Variants in UBR3 observed in about 807,000 individuals in gnomAD.
The protein encoded by UBR3 is E3 ubiquitin-protein ligase UBR3.
UBR3 carries 85 observed loss-of-function variants against 243.2 expected under a neutral mutation model. The ratio of observed to expected loss-of-function variants is 0.35; its 90% CI spans 0.29 to 0.42. The LOEUF (loss-of-function observed/expected upper bound fraction) is 0.42. UBR3 is among the 10% of genes least tolerant of loss of function. UBR3 has a pLI of 1.00. For synonymous variants in UBR3, 748 were observed against 799.8 expected (o/e 0.94, Z 1.09); for missense variants, 1,686 against 2,300.8 (o/e 0.73, Z 5.47).
intron 36 of UBR3, among the ~76,000 whole-genome samples, chr2:170,075,740 G>A (rs1333690831): frequency 1.3e-5 from 2 of 152,032 alleles, no homozygotes; most frequent in African/African-American, 2.4e-5. Context: ...TCTGTATAGC[G>A]AGACTTAGCA....
intron 26 of UBR3, among the ~76,000 whole-genome samples, chr2:169,999,852 G>A (rs778113836): frequency 5.3e-5 from 8 of 152,130 alleles, no homozygotes; most frequent in Admixed American, 1.3e-4. Context: ...AGCCAGGCAC[G>A]GTGGCTCATG....
intron 9 of UBR3, among the ~76,000 whole-genome samples, chr2:169,905,627 A>G (rs1274787533): frequency 6.6e-6 from 1 of 152,194 alleles, no homozygotes; most frequent in Non-Finnish European, 1.5e-5. Flanking sequence ...CATTTGCTTC[A>G]GCCTCCCAAA....
At position 169,827,656 on chromosome 2, in the gene UBR3, A is replaced by G; in HGVS notation, c.149A>G (p.Glu50Gly). 1.6e-6 allele frequency: 2 copies of G among 1,242,192 alleles called. No homozygotes were observed. Among genetic ancestry groups the G allele is most frequent in the Non-Finnish European group, 2.0e-6 (2 of 994,964 alleles). The allele number at this position is 1,242,192 out of a possible 1,614,324, so 76.9% of individuals were successfully genotyped here. A position where few individuals can be genotyped will look rare whatever the true frequency, so the allele number is the denominator to read the frequency against. ...SRPDNRAGAEELQALLERVLS... is the reference protein window; with the variant it reads ...SRPDNRAGAEGLQALLERVLS... ...CCGGACAACCGCGCAGGTGCTGAGGAGCTGCAGGCGCTGCTGGAGCGGGTG... is the reference window on the plus strand; with the variant it reads ...CCGGACAACCGCGCAGGTGCTGAGGGGCTGCAGGCGCTGCTGGAGCGGGTG... Residue 50 changes from glutamate (E) to glycine (G), a missense_variant, in exon 1 of 39, where the codon GAG (glutamate) becomes GGG (glycine). Around this residue, in one of 8 missense-constraint regions of UBR3, gnomAD observed 79 missense variants for 73.2 expected, o/e 1.08. Coordinates refer to ENST00000272793, the MANE Select transcript of UBR3 (RefSeq NM_172070.4).
At chr2:169,893,795 C>A (rs2084468109) in intron 6 of UBR3, among the ~76,000 whole-genome samples, 3 of 152,048 alleles carry the variant, frequency 2.0e-5, no homozygotes, top group African/African-American at 7.2e-5. Flanking sequence ...TTCCTGAGCT[C>A]AAGCCATGTG....
intron 5 of UBR3, among the ~76,000 whole-genome samples, chr2:169,884,338 G>C (rs1460142040): frequency 6.6e-6 from 1 of 152,066 alleles, no homozygotes; most frequent in Non-Finnish European, 1.5e-5. Context: ...ATTTTTAGTA[G>C]AGACGGGGTT....
In UBR3 at chr2:169,949,639, C is replaced by T; in HGVS notation, c.3119C>T (p.Ala1040Val). The change falls in exon 23 of 39, where the codon GCA becomes GTA. Residue 1040 changes from alanine to valine, a missense_variant. By Grantham distance (64) the Ala-to-Val change is moderately conservative (BLOSUM62 0). Transcript: ENST00000272793. ...SGTAQVFSLV[A>V]ERRKKFQEII... ...ACAGCTCAAGTTTTCAGTTTAGTAG[C>T]AGAACGTAGAAAGAAATTTCAGGAA... 2.6e-6 allele frequency: 4 copies of T among 1,549,156 alleles called. No homozygotes were observed. Among genetic ancestry groups the T allele is most frequent in the Non-Finnish European group, 2.6e-6 (3 of 1,145,924 alleles).
At chr2:170,023,694 G>C (rs965054404) in intron 30 of UBR3, among the ~76,000 whole-genome samples, 5 of 152,138 alleles carry the variant, frequency 3.3e-5, no homozygotes, top group African/African-American at 4.8e-5. Context: ...CCGGATTCAA[G>C]CGATTCTCCT....
At chr2:170,027,322 GA>G (rs2090555002) in intron 30 of UBR3, among the ~76,000 whole-genome samples, 1 of 150,652 alleles carries the variant, frequency 6.6e-6, no homozygotes, top group African/African-American at 2.4e-5. Context: ...ATCATTTAAA[GA>G]TGATATAATA....
In UBR3 at chr2:170,081,972, C is replaced by A; in HGVS notation, c.*129C>A. ...GAAAAAGAAAACATACATTATGAAG[C>A]CTTTCCAAAATTAGGTGCTTGGTAA... On this transcript the variant is annotated 3_prime_UTR_variant, in exon 39 of 39. Coordinates refer to ENST00000272793, the MANE Select transcript of UBR3 (RefSeq NM_172070.4). 1.6e-6 allele frequency: 1 copy of A among 628,230 alleles called. No homozygotes were observed. Among genetic ancestry groups the A allele is most frequent in the Non-Finnish European group, 2.5e-6 (1 of 396,532 alleles). The allele number at this position is 628,230 out of a possible 1,614,324, so 38.9% of individuals were successfully genotyped here.
rs536110976 is a variant in UBR3, at chr2:170,082,979, A to C, written c.*1136A>C. 1 of 152,694 alleles carries C rather than the reference A, an allele frequency of 6.5e-6. No individual in the cohort carries two copies. Among genetic ancestry groups the C allele is most frequent in the Admixed American group, 6.5e-5 (1 of 15,298 alleles). The allele number at this position is 152,694 out of a possible 1,614,324, so 9.5% of individuals were successfully genotyped here. Reference sequence around the variant, plus strand: ...TAAAAATGGGAATGATTGAGCTAAAACCCACTCTATGAGAAGGAAGATTAC... The same window carrying C: ...TAAAAATGGGAATGATTGAGCTAAACCCCACTCTATGAGAAGGAAGATTAC... On this transcript the variant is annotated 3_prime_UTR_variant, in exon 39 of 39. Coordinates refer to ENST00000272793, the MANE Select transcript of UBR3 (RefSeq NM_172070.4).
At chr2:170,062,096 G>A (rs1242199127) in intron 35 of UBR3, among the ~76,000 whole-genome samples, 2 of 152,134 alleles carry the variant, frequency 1.3e-5, no homozygotes, top group African/African-American at 4.8e-5. Context: ...TCAGAAAACC[G>A]GTTGGTTGAA....
intron 5 of UBR3, among the ~76,000 whole-genome samples, chr2:169,890,788 G>A (rs1262201187): frequency 6.7e-6 from 1 of 148,362 alleles, no homozygotes; most frequent in Non-Finnish European, 1.5e-5. Flanking sequence ...TCTATTCATT[G>A]TTTTAGTCCT....
At chr2:170,001,045 G>A (rs867084579) in intron 26 of UBR3, among the ~76,000 whole-genome samples, 30 of 152,088 alleles carry the variant, frequency 2.0e-4, no homozygotes, top group African/African-American at 5.8e-4. Context: ...TTTATGGAGC[G>A]GACAAAGGCT....
chr2:170,019,412 G>A (rs11678384), intron 30 of UBR3, among the ~76,000 whole-genome samples: 14,611 of 152,190 alleles, frequency 0.096, 1,060 homozygotes, highest in Admixed American at 0.18. Context: ...AGCCAGGTGC[G>A]GTGGCTCACT....
chr2:169,940,138 A>G (rs544643976), intron 19 of UBR3, among the ~76,000 whole-genome samples: 16 of 152,256 alleles, frequency 1.1e-4, no homozygotes, highest in African/African-American at 3.8e-4. Context: ...CACCTCAAAC[A>G]TTTATCTTCT....
intron 24 of UBR3, among the ~76,000 whole-genome samples, chr2:169,977,088 TC>T (rs2105380889): frequency 6.6e-6 from 1 of 152,272 alleles, no homozygotes; most frequent in East Asian, 1.9e-4. Flanking sequence ...TTTCATGATA[TC>T]TGTCTCTTTG....
intron 1 of UBR3, among the ~76,000 whole-genome samples, chr2:169,838,670 C>T (rs1474254698): frequency 6.6e-6 from 1 of 152,056 alleles, no homozygotes; most frequent in Non-Finnish European, 1.5e-5. Flanking sequence ...TGCCCCTCGC[C>T]CCCAAAAAGT....
intron 23 of UBR3, among the ~76,000 whole-genome samples, chr2:169,955,946 T>G (rs73017614): frequency 0.043 from 6,517 of 152,184 alleles, 155 homozygotes; most frequent in Middle Eastern, 0.061. Flanking sequence ...TCAGGCCCTC[T>G]TAGGACAGAG....
intron 32 of UBR3, among the ~76,000 whole-genome samples, chr2:170,047,812 C>T (rs1447064260): frequency 2.0e-5 from 3 of 152,206 alleles, no homozygotes; most frequent in Non-Finnish European, 2.9e-5. Context: ...CCCTTTCTCC[C>T]TGGGAAATGA....
Sources: gnomAD v4.1 joint callset for allele counts (sites outside exome capture counted in the v4.1 genomes callset) on GRCh38, gnomAD v4.1.1 for gene constraint, gnomAD v4.1.1 regional missense constraint, MANE v1.5 for transcripts, NCBI Gene and HGNC (gene_info 2026-07-23, HGNC 2026-07-21) for gene names.